The following CCDC171 variants were observed in gnomAD, a reference collection of about 807,000 sequenced individuals.
CCDC171 encodes the protein coiled-coil domain containing 171.
Under a neutral mutation model 168.2 loss-of-function variants are expected in CCDC171, and 177 were observed. That is an observed-to-expected ratio of 1.05 (90% CI 0.93 to 1.19). CCDC171 has a LOEUF of 1.19. Among genes scored for constraint, CCDC171 ranks in the 50% most tolerant of loss-of-function variants. The pLI is 0.00. For synonymous variants in CCDC171, 687 were observed against 540.8 expected (o/e 1.27, Z -3.75); for missense variants, 1,991 against 1,539.0 (o/e 1.29, Z -4.91).
chr9:15,894,469 C>T (rs1164768091), intron 24 of CCDC171, among the ~76,000 whole-genome samples: 4 of 151,930 alleles, frequency 2.6e-5, no homozygotes, highest in Admixed American at 2.0e-4. Context: ...TTTTGCCATT[C>T]CTCCCTTCTT....
chr9:15,635,234 G>C (rs1467869151), intron 7 of CCDC171, among the ~76,000 whole-genome samples: 1 of 152,182 alleles, frequency 6.6e-6, no homozygotes, highest in African/African-American at 2.4e-5. Flanking sequence ...AAGTAGATAA[G>C]CCAGCAGTGC....
intron 24 of CCDC171, among the ~76,000 whole-genome samples, chr9:15,902,800 G>A (rs774503229): frequency 5.3e-4 from 80 of 152,290 alleles, no homozygotes; most frequent in Admixed American, 1.6e-3. Context: ...AAGGGGTGAC[G>A]GACGGCACCT....
At chr9:16,046,324 G>A in intron 1 of CCDC171, among the ~76,000 whole-genome samples, 1 of 152,152 alleles carries the variant, frequency 6.6e-6, no homozygotes, top group East Asian at 1.9e-4. Context: ...GGCAGTGGCT[G>A]CCAGGCTTTT....
chr9:16,058,052 A>AAAT (rs1554716686), intron 1 of CCDC171, among the ~76,000 whole-genome samples: 2 of 150,930 alleles, frequency 1.3e-5, no homozygotes, highest in African/African-American at 2.4e-5. Context: ...GAAAAAAAAA[A>AAAT]AATAATAATA....
chr9:15,841,326 G>A (rs576279337), intron 21 of CCDC171, among the ~76,000 whole-genome samples: 4 of 152,018 alleles, frequency 2.6e-5, no homozygotes, highest in African/African-American at 9.7e-5. Flanking sequence ...GTCATATATA[G>A]GTGGAGATTT....
chr9:15,852,671 C>G (rs1303135453), intron 23 of CCDC171, among the ~76,000 whole-genome samples: 1 of 151,678 alleles, frequency 6.6e-6, no homozygotes. Context: ...AGTCGTGAAG[C>G]TTTCCCCTCT....
In CCDC171 at chr9:15,821,514, A is replaced by G. The variant is rs1420092300; in HGVS notation, c.3268-25188A>G. 1.7e-5 allele frequency among the ~76,000 whole-genome samples: 2 copies of G among 117,726 alleles called. 1 individual carries two copies. Among genetic ancestry groups the G allele is most frequent in the Non-Finnish European group, 3.8e-5 (2 of 52,386 alleles). The allele number at this position is 117,726 out of a possible 152,430, so 77.2% of individuals were successfully genotyped here. On this transcript the variant is annotated intron_variant, in intron 21 of 25. Coordinates refer to ENST00000380701, the MANE Select transcript of CCDC171 (RefSeq NM_173550.4). Reference sequence around the variant, plus strand: ...TCTCAGGATACAAAATCAATGTGCAAAAGTCACAAGCATTCTTATACACCA... The same window carrying G: ...TCTCAGGATACAAAATCAATGTGCAGAAGTCACAAGCATTCTTATACACCA...
At chr9:15,591,289 C>A in intron 4 of CCDC171, 77 bp from the exon 5 acceptor site, 1 of 826,300 alleles carries the variant, frequency 1.2e-6, no homozygotes, top group Non-Finnish European at 1.9e-6. Flanking sequence ...ATGATGTCAA[C>A]TCCAATGCCT....
chr9:15,558,117 A>G (rs1466878123), intron 1 of CCDC171, among the ~76,000 whole-genome samples: 1 of 152,028 alleles, frequency 6.6e-6, no homozygotes, highest in East Asian at 1.9e-4. Flanking sequence ...AAGCTTTTTG[A>G]TGTGCTGCTG....
intron 2 of CCDC171, 87 bp from the exon 3 acceptor site, chr9:15,571,537 G>T: frequency 1.7e-6 from 2 of 1,162,140 alleles, no homozygotes; most frequent in East Asian, 2.7e-5. Context: ...TTTGTTTTTT[G>T]AAAAATAAGT....
intron 11 of CCDC171, among the ~76,000 whole-genome samples, chr9:15,717,150 A>G (rs1216185031): frequency 1.3e-5 from 2 of 152,174 alleles, no homozygotes; most frequent in East Asian, 1.9e-4. Context: ...AGCAGCGGCT[A>G]TGTGGTGGGG....
intron 11 of CCDC171, among the ~76,000 whole-genome samples, chr9:15,703,044 C>T (rs2051893652): frequency 1.3e-5 from 2 of 152,080 alleles, no homozygotes; most frequent in South Asian, 2.1e-4. Context: ...GCTTGGACTA[C>T]AGGTGTGTGC....
chr9:15,969,402 T>C (rs1029620439), intron 25 of CCDC171, among the ~76,000 whole-genome samples: 2 of 152,162 alleles, frequency 1.3e-5, no homozygotes, highest in African/African-American at 4.8e-5. Flanking sequence ...AGGGAAACTT[T>C]AAGTACAACA....
At chr9:15,794,758 C>T (rs1008108536) in intron 21 of CCDC171, among the ~76,000 whole-genome samples, 17 of 152,200 alleles carry the variant, frequency 1.1e-4, no homozygotes, top group African/African-American at 4.1e-4. Flanking sequence ...TTTGCTGACC[C>T]TTGGGTTATG....
chr9:15,693,108 G>A (rs1201430914), intron 10 of CCDC171, among the ~76,000 whole-genome samples: 4 of 152,070 alleles, frequency 2.6e-5, no homozygotes, highest in South Asian at 2.1e-4. Flanking sequence ...CTGCACTCCC[G>A]CCTGGATGAC....
intron 10 of CCDC171, among the ~76,000 whole-genome samples, chr9:15,688,704 C>G (rs1215975928): frequency 2.0e-5 from 3 of 152,144 alleles, no homozygotes; most frequent in East Asian, 3.9e-4. Context: ...GCTTCCTCCT[C>G]AACCTCAAGA....
chr9:15,917,594 ATTACT>A (rs1824701690), intron 24 of CCDC171, among the ~76,000 whole-genome samples: 1 of 151,722 alleles, frequency 6.6e-6, no homozygotes, highest in Admixed American at 6.6e-5. Flanking sequence ...AATTTCTGAC[ATTACT>A]TCTCAAAAAA....
chr9:15,654,995 A>G (rs577927454), intron 7 of CCDC171, among the ~76,000 whole-genome samples: 1 of 152,272 alleles, frequency 6.6e-6, no homozygotes, highest in African/African-American at 2.4e-5. Flanking sequence ...GAACACATGG[A>G]CACAGGAAGG....
chr9:15,628,790 C>G (rs1334899629), intron 7 of CCDC171, among the ~76,000 whole-genome samples: 1 of 152,182 alleles, frequency 6.6e-6, no homozygotes, highest in Non-Finnish European at 1.5e-5. Flanking sequence ...CCAGTAGAGG[C>G]AGACTGACAC....
Sources: allele counts gnomAD v4.1 joint callset (sites outside exome capture counted in the v4.1 genomes callset), GRCh38; gene constraint gnomAD v4.1.1; transcripts MANE v1.5; gene names NCBI Gene and HGNC (gene_info 2026-07-23, HGNC 2026-07-21).